RBFOX1: variants seen among roughly 807,000 people sequenced by gnomAD.
RBFOX1 encodes RNA binding fox-1 homolog 1, also known as RNA binding protein fox-1 homolog 1.
In RBFOX1, 8 loss-of-function variants were observed where a neutral mutation model predicts 57.7. The observed-to-expected ratio is 0.14, with a 90% CI of 0.08 to 0.25. The LOEUF is 0.25. Among genes scored for constraint, RBFOX1 ranks in the 10% least tolerant of loss-of-function variants. The probability of loss-of-function intolerance (pLI) is 1.00; values close to 1 mark genes in which losing one functional copy is unlikely to be tolerated. For missense variants in RBFOX1, 611 were observed against 548.5 expected (o/e 1.11, Z -1.14); for synonymous variants, 326 against 222.4 (o/e 1.47, Z -4.15).
intron 5 of RBFOX1, among the ~76,000 whole-genome samples, chr16:7,533,204 T>G (rs1368060310): frequency 2.0e-5 from 3 of 152,230 alleles, no homozygotes; most frequent in Non-Finnish European, 4.4e-5. Flanking sequence ...TTGTTTTTAA[T>G]AAAAGATTTG....
At chr16:6,438,494 T>A (rs1348478093) in intron 2 of RBFOX1, among the ~76,000 whole-genome samples, 1 of 152,182 alleles carries the variant, frequency 6.6e-6, no homozygotes, top group African/African-American at 2.4e-5. Flanking sequence ...GCTAGTCAAT[T>A]TTAGTAAAGA....
At chr16:6,004,071 G>A (rs1212954236) in intron 4 of RBFOX1, among the ~76,000 whole-genome samples, 1 of 152,180 alleles carries the variant, frequency 6.6e-6, no homozygotes, top group Admixed American at 6.5e-5. Flanking sequence ...AGGATAAATA[G>A]CTAATGCATG....
intron 4 of RBFOX1, among the ~76,000 whole-genome samples, chr16:7,366,322 C>A (rs903451887): frequency 6.6e-6 from 1 of 152,174 alleles, no homozygotes; most frequent in Non-Finnish European, 1.5e-5. Context: ...CGTTGAGCAC[C>A]CTGGCTGAAA....
At chr16:5,791,308 C>G (rs1375503296) in intron 3 of RBFOX1, among the ~76,000 whole-genome samples, 1 of 152,198 alleles carries the variant, frequency 6.6e-6, no homozygotes, top group Non-Finnish European at 1.5e-5. Flanking sequence ...ATAAAAAGAT[C>G]AATGCAATGC....
intron 1 of RBFOX1, among the ~76,000 whole-genome samples, chr16:6,216,034 A>T (rs1374479025): frequency 1.3e-5 from 2 of 152,178 alleles, no homozygotes; most frequent in Non-Finnish European, 2.9e-5. Flanking sequence ...CAGGAACTGA[A>T]AACCAAATAC....
chr16:6,770,676 C>G (rs911876444), intron 3 of RBFOX1, among the ~76,000 whole-genome samples: 14 of 152,058 alleles, frequency 9.2e-5, no homozygotes, highest in African/African-American at 3.1e-4. Flanking sequence ...GAAGAGTCCA[C>G]AAAGTTCTCC....
At chr16:7,383,291 C>T (rs1049796406) in intron 4 of RBFOX1, among the ~76,000 whole-genome samples, 1 of 150,680 alleles carries the variant, frequency 6.6e-6, no homozygotes, top group Admixed American at 6.6e-5. Flanking sequence ...ACGTAAAATG[C>T]AACAACACTA....
chr16:7,406,588 T>G (rs995680185), intron 4 of RBFOX1, among the ~76,000 whole-genome samples: 3 of 152,176 alleles, frequency 2.0e-5, no homozygotes, highest in Non-Finnish European at 2.9e-5. Context: ...ATACAAACTT[T>G]CCGGAATCCA....
intron 3 of RBFOX1, among the ~76,000 whole-genome samples, chr16:6,994,372 C>G (rs562808236): frequency 2.4e-4 from 36 of 152,266 alleles, no homozygotes; most frequent in Non-Finnish European, 4.4e-4. Context: ...ATAACAAACA[C>G]AGAGTTGAGC....
chr16:6,912,110 A>T (rs1201993413), intron 3 of RBFOX1, among the ~76,000 whole-genome samples: 1 of 152,226 alleles, frequency 6.6e-6, no homozygotes, highest in African/African-American at 2.4e-5. Flanking sequence ...TATCATTTAT[A>T]CTTACTAGTA....
chr16:7,484,699 G>T (rs1046543005), intron 4 of RBFOX1, among the ~76,000 whole-genome samples: 1 of 152,174 alleles, frequency 6.6e-6, no homozygotes, highest in African/African-American at 2.4e-5. Context: ...CCTGGCCTCA[G>T]GTGATCCGCT....
chr16:5,457,450 A>G (rs905249001), intron 1 of RBFOX1, among the ~76,000 whole-genome samples: 9 of 152,118 alleles, frequency 5.9e-5, no homozygotes, highest in African/African-American at 9.7e-5. Flanking sequence ...ATCTCTTTTT[A>G]TAAGAGCACT....
At chr16:7,465,875 T>C (rs1460844597) in intron 4 of RBFOX1, among the ~76,000 whole-genome samples, 1 of 152,238 alleles carries the variant, frequency 6.6e-6, no homozygotes, top group Non-Finnish European at 1.5e-5. Flanking sequence ...CTGTTATCTG[T>C]TCATACATAC....
intron 3 of RBFOX1, among the ~76,000 whole-genome samples, chr16:5,639,561 G>A (rs1478711670): frequency 6.6e-6 from 1 of 152,162 alleles, no homozygotes; most frequent in African/African-American, 2.4e-5. Flanking sequence ...AGCAAGAAGT[G>A]TGTTTGCCAC....
chr16:6,498,631 C>T (rs538389301), intron 2 of RBFOX1, among the ~76,000 whole-genome samples: 7 of 152,260 alleles, frequency 4.6e-5, no homozygotes, highest in African/African-American at 1.7e-4. Context: ...TAGTTCCTAG[C>T]ACAATGTCTG....
intron 1 of RBFOX1, among the ~76,000 whole-genome samples, chr16:6,032,933 T>G (rs116457384): frequency 0.01 from 1,566 of 149,154 alleles, 21 homozygotes; most frequent in African/African-American, 0.037. Context: ...GTGCCAATAA[T>G]AGCTTAGGAT....
intron 3 of RBFOX1, among the ~76,000 whole-genome samples, chr16:5,686,731 A>G (rs2050516680): frequency 6.6e-6 from 1 of 152,214 alleles, no homozygotes; most frequent in Non-Finnish European, 1.5e-5. Flanking sequence ...TTGCCGAAAT[A>G]TAGAATAGAT....
chr16:6,488,684 T>C (rs1287657506), intron 2 of RBFOX1, among the ~76,000 whole-genome samples: 2 of 152,164 alleles, frequency 1.3e-5, no homozygotes, highest in African/African-American at 4.8e-5. Context: ...AATGGGTACT[T>C]AAGAGATACA....
At chr16:5,937,216 C>A (rs1345553118) in intron 4 of RBFOX1, among the ~76,000 whole-genome samples, 1 of 152,144 alleles carries the variant, frequency 6.6e-6, no homozygotes, top group East Asian at 1.9e-4. Context: ...ATGGAAAGAA[C>A]ACGAGAGATT....
Sources: allele counts gnomAD v4.1 joint callset (sites outside exome capture counted in the v4.1 genomes callset), GRCh38; gene constraint gnomAD v4.1.1; transcripts MANE v1.5; gene names NCBI Gene and HGNC (gene_info 2026-07-23, HGNC 2026-07-21).